The following PAQR5 variants were observed in gnomAD, a reference collection of about 807,000 sequenced individuals.
PAQR5 encodes the protein progestin and adipoQ receptor family member 5.
A neutral mutation model predicts 34.5 loss-of-function variants in PAQR5; 20 were observed. The ratio of observed to expected loss-of-function variants is 0.58; its 90% CI spans 0.41 to 0.84. The LOEUF (loss-of-function observed/expected upper bound fraction) is 0.84, where lower values mean the gene tolerates loss of function less well. Ranked by LOEUF, PAQR5 falls within the 40% of genes least tolerant of loss-of-function variation. The pLI, the probability that PAQR5 is intolerant of heterozygous loss-of-function variation, is 0.00. For missense variants in PAQR5, 378 were observed against 412.7 expected (o/e 0.92, Z 0.73); for synonymous variants, 131 against 155.6 (o/e 0.84, Z 1.18).
chr15:69,349,181 T>C (rs1430105866), intron 2 of PAQR5, among the ~76,000 whole-genome samples: 1 of 152,118 alleles, frequency 6.6e-6, no homozygotes, highest in African/African-American at 2.4e-5. Context: ...GGTATGGCCT[T>C]CCCACCTCTG....
At chr15:69,386,253 C>A (rs555889755) in intron 5 of PAQR5, among the ~76,000 whole-genome samples, 1 of 151,178 alleles carries the variant, frequency 6.6e-6, no homozygotes, top group Non-Finnish European at 1.5e-5. Context: ...ACACCACACA[C>A]ACACATCACA....
At chr15:69,313,507 G>A (rs1277420680) in intron 1 of PAQR5, among the ~76,000 whole-genome samples, 2 of 151,992 alleles carry the variant, frequency 1.3e-5, no homozygotes, top group Non-Finnish European at 2.9e-5. Flanking sequence ...CTCAAAAACA[G>A]CGGCAACAAC....
intron 3 of PAQR5, among the ~76,000 whole-genome samples, chr15:69,378,865 G>A (rs543221068): frequency 4.2e-4 from 64 of 152,176 alleles, no homozygotes; most frequent in African/African-American, 1.5e-3. Flanking sequence ...GGCATTTAGC[G>A]GATAAAGGCC....
chr15:69,397,640 G>A lies in PAQR5; in HGVS notation c.609+76G>A, dbSNP rs150827762. On this transcript the variant is annotated intron_variant, in intron 7 of 8. Transcript: ENST00000395407. Reference sequence around the variant, plus strand: ...AGTTGTTTTCCTGAGCTTCTGGGGGGTCACAGCACTGCAATGGGAACCGCA... The same window carrying A: ...AGTTGTTTTCCTGAGCTTCTGGGGGATCACAGCACTGCAATGGGAACCGCA... 3.9e-3 allele frequency: 3,781 copies of A among 978,012 alleles called. 16 individuals carry two copies. The highest frequency in any genetic ancestry group is 5.5e-3 in the Non-Finnish European group (3,303 of 599,908). The allele number at this position is 978,012 out of a possible 1,614,324, so 60.6% of individuals were successfully genotyped here.
At chr15:69,344,558 C>A (rs1004830496) in intron 2 of PAQR5, among the ~76,000 whole-genome samples, 1 of 152,208 alleles carries the variant, frequency 6.6e-6, no homozygotes, top group Non-Finnish European at 1.5e-5. Flanking sequence ...ATTTTCATAT[C>A]ATGTTATCTA....
intron 1 of PAQR5, among the ~76,000 whole-genome samples, chr15:69,302,388 CA>C (rs1288856018): frequency 1.3e-5 from 2 of 151,806 alleles, no homozygotes; most frequent in African/African-American, 4.8e-5. Flanking sequence ...TGGGGACTTT[CA>C]AATTCCTCTC....
At chr15:69,314,209 A>T (rs1483760001) in intron 1 of PAQR5, among the ~76,000 whole-genome samples, 1 of 149,648 alleles carries the variant, frequency 6.7e-6, no homozygotes, top group Non-Finnish European at 1.5e-5. Flanking sequence ...TGTAAGTGGA[A>T]AAAAAAAAAG....
intron 1 of PAQR5, among the ~76,000 whole-genome samples, chr15:69,316,084 A>G (rs920900784): frequency 2.6e-5 from 4 of 151,782 alleles, no homozygotes; most frequent in African/African-American, 9.7e-5. Context: ...AGGGTTTTTT[A>G]TTTTTTTATT....
intron 3 of PAQR5, among the ~76,000 whole-genome samples, chr15:69,361,604 A>G (rs2055233902): frequency 6.6e-6 from 1 of 152,212 alleles, no homozygotes; most frequent in Non-Finnish European, 1.5e-5. Flanking sequence ...CACGTCTTAC[A>G]TGACAGTAGG....
intron 1 of PAQR5, among the ~76,000 whole-genome samples, chr15:69,321,445 C>T (rs1439876380): frequency 6.6e-6 from 1 of 152,178 alleles, no homozygotes; most frequent in Non-Finnish European, 1.5e-5. Context: ...GTTTTATCTG[C>T]AATTACTTCA....
intron 2 of PAQR5, among the ~76,000 whole-genome samples, chr15:69,349,514 A>G (rs919893459): frequency 1.3e-5 from 2 of 152,196 alleles, no homozygotes; most frequent in African/African-American, 4.8e-5. Context: ...GAGATTCTGC[A>G]TGTAATGTTC....
intron 8 of PAQR5, among the ~76,000 whole-genome samples, chr15:69,402,586 G>A (rs2140277211): frequency 6.6e-6 from 1 of 152,280 alleles, no homozygotes; most frequent in Admixed American, 6.5e-5. Context: ...AAAGTGCTGG[G>A]ATTACAGGCG....
intron 3 of PAQR5, among the ~76,000 whole-genome samples, chr15:69,375,838 C>T (rs1477609516): frequency 6.6e-6 from 1 of 152,150 alleles, no homozygotes; most frequent in Admixed American, 6.5e-5. Context: ...CCTACTCTGC[C>T]TCTTCTCTTT....
At chr15:69,365,043 ATGAATT>A (rs2055360069) in intron 3 of PAQR5, among the ~76,000 whole-genome samples, 1 of 127,502 alleles carries the variant, frequency 7.8e-6, no homozygotes, top group South Asian at 2.5e-4. Context: ...GCCTTCCCTT[ATGAATT>A]TTATTTTATT....
chr15:69,355,145 T>A (rs1409002582), intron 2 of PAQR5, among the ~76,000 whole-genome samples: 1 of 151,962 alleles, frequency 6.6e-6, no homozygotes, highest in Non-Finnish European at 1.5e-5. Context: ...CCAATTCACC[T>A]AATAAATCCC....
chr15:69,321,333 G>C (rs2054091401), intron 1 of PAQR5, among the ~76,000 whole-genome samples: 1 of 152,118 alleles, frequency 6.6e-6, no homozygotes, highest in African/African-American at 2.4e-5. Flanking sequence ...TTCCATGCTG[G>C]CTCCAGCAAT....
intron 1 of PAQR5, among the ~76,000 whole-genome samples, chr15:69,334,011 C>A (rs2054451636): frequency 6.6e-6 from 1 of 152,068 alleles, no homozygotes; most frequent in Non-Finnish European, 1.5e-5. Context: ...CTTTAGTAGT[C>A]TTTTGGAAAT....
rs565462279 is a variant in PAQR5, at chr15:69,330,232, A to G, written c.-276-7109A>G. On this transcript the variant is annotated intron_variant, in intron 1 of 8. Coordinates refer to ENST00000395407, the MANE Select transcript of PAQR5 (RefSeq NM_017705.4). Reference sequence around the variant, plus strand: ...GTGCAAAATTATGACTGAGACCGTGAAAGAGATCTAACTTAACTGACTCCA... The same window carrying G: ...GTGCAAAATTATGACTGAGACCGTGGAAGAGATCTAACTTAACTGACTCCA... Among the ~76,000 whole-genome samples, 16 of 152,336 alleles carry G rather than the reference A, an allele frequency of 1.1e-4. No individual in the cohort carries two copies. In the South Asian group the frequency reaches 3.3e-3, roughly 32 times the overall value.
At chr15:69,360,752 T>G (rs2055211266) in intron 3 of PAQR5, among the ~76,000 whole-genome samples, 2 of 152,196 alleles carry the variant, frequency 1.3e-5, no homozygotes, top group South Asian at 4.1e-4. Context: ...GGAAACATCA[T>G]TGTGTTGCAC....
Sources: allele counts gnomAD v4.1 joint callset (sites outside exome capture counted in the v4.1 genomes callset), GRCh38; gene constraint gnomAD v4.1.1; transcripts MANE v1.5; gene names NCBI Gene and HGNC (gene_info 2026-07-23, HGNC 2026-07-21).